Variants in CDH23 observed in about 807,000 individuals in gnomAD.
The protein encoded by CDH23 is cadherin related 23.
A neutral mutation model predicts 317.1 loss-of-function variants in CDH23; 189 were observed. That is an observed-to-expected ratio of 0.60 (90% CI 0.53 to 0.67). The LOEUF (loss-of-function observed/expected upper bound fraction) is 0.67. Among genes scored for constraint, CDH23 ranks in the 30% least tolerant of loss-of-function variants. The pLI, the probability that CDH23 is intolerant of heterozygous loss-of-function variation, is 0.00. For missense variants in CDH23, 4,401 were observed against 4,592.4 expected (o/e 0.96, Z 1.20); for synonymous variants, 1,839 against 1,876.8 (o/e 0.98, Z 0.52).
intron 1 of CDH23, among the ~76,000 whole-genome samples, chr10:71,402,941 C>G (rs1041623892): frequency 1.3e-5 from 2 of 151,980 alleles, no homozygotes; most frequent in African/African-American, 4.8e-5. Flanking sequence ...ACGGTGAAAC[C>G]ACGTCTCTAC....
intron 61 of CDH23, 21 bp from the exon 62 acceptor site, chr10:71,810,451 A>C: frequency 6.2e-7 from 1 of 1,612,354 alleles, no homozygotes; most frequent in African/African-American, 1.3e-5. Context: ...GCCACACCCT[A>C]CAATACCCCT....
chr10:71,715,781 C>T (rs934484828), intron 28 of CDH23: 31 of 629,308 alleles, frequency 4.9e-5, no homozygotes, highest in Middle Eastern at 5.7e-4. Context: ...TGGGAAAGGG[C>T]GCTGGCCTGG....
intron 69 of CDH23, 112 bp downstream of exon 69, chr10:71,813,460 C>A (rs185694867): frequency 7.7e-4 from 727 of 941,624 alleles, no homozygotes; most frequent in Admixed American, 1.5e-3. Context: ...GCAGCCAGGA[C>A]CAAAGACAGC....
chr10:71,580,105 G>A (rs974816891), intron 9 of CDH23, among the ~76,000 whole-genome samples: 2 of 152,224 alleles, frequency 1.3e-5, no homozygotes, highest in South Asian at 2.1e-4. Flanking sequence ...GGTTCATGCT[G>A]GGTGCCAGGC....
chr10:71,754,957 C>T (rs1026041147), intron 38 of CDH23: 2 of 406,240 alleles, frequency 4.9e-6, no homozygotes, highest in Admixed American at 5.5e-5. Context: ...TTCTGATATT[C>T]CAAAGATCAT....
At chr10:71,686,646 A>G (rs1290698578) in intron 18 of CDH23, among the ~76,000 whole-genome samples, 1 of 151,932 alleles carries the variant, frequency 6.6e-6, no homozygotes, top group Non-Finnish European at 1.5e-5. Flanking sequence ...TGGAACTCCT[A>G]TTTGCACTAG....
intron 38 of CDH23, among the ~76,000 whole-genome samples, chr10:71,774,244 T>G (rs144885887): frequency 9.4e-5 from 3 of 31,874 alleles, no homozygotes; most frequent in Admixed American, 3.7e-4. Context: ...GCACCCGCCC[T>G]CCCTCCCTGG....
At chr10:71,399,761 A>G (rs866969047) in intron 1 of CDH23, among the ~76,000 whole-genome samples, 2 of 152,090 alleles carry the variant, frequency 1.3e-5, no homozygotes, top group Non-Finnish European at 2.9e-5. Context: ...GGGCAATATA[A>G]TGAGACCCTG....
At chr10:71,798,639 C>G in intron 50 of CDH23, 61 bp downstream of exon 50, 1 of 1,305,896 alleles carries the variant, frequency 7.7e-7, no homozygotes, top group South Asian at 1.4e-5. Flanking sequence ...GCTTAGTCCC[C>G]AAGAGAGACC....
intron 9 of CDH23, among the ~76,000 whole-genome samples, chr10:71,578,743 C>T (rs1336913178): frequency 6.6e-6 from 1 of 152,162 alleles, no homozygotes; most frequent in Admixed American, 6.5e-5. Context: ...CCATACACAG[C>T]CTCCCTGCCC....
In CDH23 at chr10:71,446,406, G is replaced by A; in HGVS notation, c.145+11G>A. The A allele has an allele frequency of 6.2e-7, 1 of 1,613,752 alleles. No individual in the cohort carries two copies. The highest frequency in any genetic ancestry group is 1.3e-5 in the African/African-American group (1 of 75,046). ...AGGACACGCCTGTGGGTGAGTGGGGGCATGGGCTGGTGGGCGTGCAGATGG... is the reference window on the plus strand; with the variant it reads ...AGGACACGCCTGTGGGTGAGTGGGGACATGGGCTGGTGGGCGTGCAGATGG... On this transcript the variant is annotated intron_variant, in intron 3 of 69. Transcript: ENST00000224721.
At chr10:71,776,563 G>C (rs928496085) in intron 38 of CDH23, among the ~76,000 whole-genome samples, 3 of 152,182 alleles carry the variant, frequency 2.0e-5, no homozygotes, top group East Asian at 1.9e-4. Flanking sequence ...CAACTGAAGA[G>C]AGTTTAATAC....
At chr10:71,510,538 A>G (rs1025023190) in intron 4 of CDH23, among the ~76,000 whole-genome samples, 5 of 151,884 alleles carry the variant, frequency 3.3e-5, no homozygotes, top group African/African-American at 4.8e-5. Context: ...CCCCCAGTAA[A>G]CATTCCCCCA....
chr10:71,651,553 CAA>C (rs35848156), intron 14 of CDH23, among the ~76,000 whole-genome samples: 3 of 135,742 alleles, frequency 2.2e-5, no homozygotes, highest in Non-Finnish European at 1.6e-5. Context: ...GACCCTATCT[CAA>C]AAAAAAAAAA....
intron 38 of CDH23, among the ~76,000 whole-genome samples, chr10:71,774,803 G>A (rs1840779842): frequency 6.6e-6 from 1 of 152,164 alleles, no homozygotes; most frequent in African/African-American, 2.4e-5. Context: ...TAGGCTGAGA[G>A]GCAGAGGACA....
intron 7 of CDH23, among the ~76,000 whole-genome samples, chr10:71,567,635 A>G (rs1857485966): frequency 6.6e-6 from 1 of 152,226 alleles, no homozygotes; most frequent in Non-Finnish European, 1.5e-5. Flanking sequence ...ACCATGCCCC[A>G]TGGCTAGACA....
intron 3 of CDH23, among the ~76,000 whole-genome samples, chr10:71,467,599 G>A (rs1354934498): frequency 2.0e-5 from 3 of 152,116 alleles, no homozygotes; most frequent in East Asian, 3.9e-4. Flanking sequence ...TGACTGGGGG[G>A]TTCAAATCTG....
chr10:71,702,126 C>T lies in CDH23; in HGVS notation c.2502C>T (p.Arg834=), dbSNP rs55918133. ...TCAACAGCACCACGGGCAAGATCCG[C>T]ACCACCCACGCCATGCTGGACCGGG... is the stretch of plus-strand genomic sequence containing the variant. ...YSLNSTTGKI[R]TTHAMLDREN... The change falls in exon 23 of 70, where the codon CGC becomes CGT. Residue 834 remains arginine, a synonymous_variant. Coordinates refer to ENST00000224721, the MANE Select transcript of CDH23 (RefSeq NM_022124.6). The T allele has an allele frequency of 3.3e-5, 53 of 1,614,018 alleles. No homozygotes were observed. Among genetic ancestry groups the T allele is most frequent in the Non-Finnish European group, 3.6e-5 (42 of 1,179,896 alleles).
chr10:71,646,539 G>A lies in CDH23; in HGVS notation c.1371G>A (p.Arg457=), dbSNP rs1475717236. 2 of 1,613,858 alleles carry A rather than the reference G, an allele frequency of 1.2e-6. No homozygotes were observed. Among genetic ancestry groups the A allele is most frequent in the African/African-American group, 1.3e-5 (1 of 74,920 alleles). Residue 457 remains arginine (R), a synonymous_variant, in exon 14 of 70, where the codon CGG becomes CGA. Transcript: ENST00000224721. ...KITLINENDN[R]PIFSQPLYNI... Reference sequence around the variant, plus strand: ...CTCTCATCAATGAAAATGACAACCGGCCCATCTTCAGCCAGCCACTGTACA... The same window carrying A: ...CTCTCATCAATGAAAATGACAACCGACCCATCTTCAGCCAGCCACTGTACA...
Sources: allele counts gnomAD v4.1 joint callset (sites outside exome capture counted in the v4.1 genomes callset), GRCh38; gene constraint gnomAD v4.1.1; transcripts MANE v1.5; gene names NCBI Gene and HGNC (gene_info 2026-07-23, HGNC 2026-07-21).